The following STK32B variants were observed in gnomAD, a reference collection of about 807,000 sequenced individuals.
STK32B encodes the protein serine/threonine kinase 32B, also known as serine/threonine-protein kinase 32B.
A neutral mutation model predicts 52.6 loss-of-function variants in STK32B; 43 were observed. That is an observed-to-expected ratio of 0.82 (90% CI 0.64 to 1.05). The LOEUF (loss-of-function observed/expected upper bound fraction) is 1.05, where lower values mean the gene tolerates loss of function less well. Ranked by LOEUF, STK32B falls within the 50% of genes least tolerant of loss-of-function variation. The probability of loss-of-function intolerance (pLI) is 0.00; values close to 1 mark genes in which losing one functional copy is unlikely to be tolerated. For missense variants in STK32B, 621 were observed against 534.6 expected, an observed-to-expected ratio of 1.16 and a Z score of -1.59; for synonymous variants, 238 against 204.3, an observed-to-expected ratio of 1.17 and a Z score of -1.41.
At chr4:5,343,220 A>G (rs1249269129) in intron 4 of STK32B, among the ~76,000 whole-genome samples, 2 of 151,376 alleles carry the variant, frequency 1.3e-5, no homozygotes, top group East Asian at 1.9e-4. Flanking sequence ...TGTCCTTGCA[A>G]TAGTTTGCTG....
At chr4:5,087,578 A>T (rs531434107) in intron 1 of STK32B, among the ~76,000 whole-genome samples, 1 of 152,132 alleles carries the variant, frequency 6.6e-6, no homozygotes, top group Non-Finnish European at 1.5e-5. Context: ...AAATAATTTG[A>T]TAGATAGATA....
At chr4:5,054,104 C>T (rs1288599928) in intron 1 of STK32B, among the ~76,000 whole-genome samples, 1 of 152,184 alleles carries the variant, frequency 6.6e-6, no homozygotes, top group East Asian at 1.9e-4. Flanking sequence ...TCACACGTTT[C>T]CTAGTACAGG....
intron 6 of STK32B, among the ~76,000 whole-genome samples, chr4:5,424,062 G>A (rs1382054565): frequency 1.3e-5 from 2 of 152,056 alleles, no homozygotes; most frequent in Non-Finnish European, 2.9e-5. Context: ...CCTGCTCCTG[G>A]TACCCACTCT....
chr4:5,126,815 G>A (rs943233975), intron 1 of STK32B, among the ~76,000 whole-genome samples: 2 of 152,070 alleles, frequency 1.3e-5, no homozygotes, highest in Non-Finnish European at 2.9e-5. Flanking sequence ...CTAAAACATG[G>A]CCATTTCTAC....
chr4:5,465,561 AT>A (rs1163210415), intron 9 of STK32B, among the ~76,000 whole-genome samples: 1 of 152,192 alleles, frequency 6.6e-6, no homozygotes, highest in Non-Finnish European at 1.5e-5. Context: ...AGCAGAGGGA[AT>A]GGCCAGTTGT....
chr4:5,359,202 T>A (rs893913153), intron 4 of STK32B, among the ~76,000 whole-genome samples: 1 of 152,172 alleles, frequency 6.6e-6, no homozygotes, highest in African/African-American at 2.4e-5. Context: ...AATGGTGTAT[T>A]TTTCCATATT....
intron 2 of STK32B, among the ~76,000 whole-genome samples, chr4:5,160,769 G>T (rs1178562776): frequency 2.6e-5 from 4 of 152,200 alleles, no homozygotes; most frequent in Non-Finnish European, 5.9e-5. Flanking sequence ...AGGGGGAGTG[G>T]ACAATGGATG....
chr4:5,328,728 G>T (rs1367682568), intron 3 of STK32B, among the ~76,000 whole-genome samples: 3 of 152,212 alleles, frequency 2.0e-5, no homozygotes, highest in African/African-American at 7.2e-5. Context: ...CATGCTATTG[G>T]AAAATTGACA....
chr4:5,033,134 C>T, the STK32B span, among the ~76,000 whole-genome samples: 14 of 152,192 alleles, frequency 9.2e-5, no homozygotes, highest in Admixed American at 7.2e-4. Context: ...AAACACCCCA[C>T]ACACTAGCCT....
chr4:5,433,895 A>G (rs1713807445), intron 6 of STK32B, among the ~76,000 whole-genome samples: 1 of 152,220 alleles, frequency 6.6e-6, no homozygotes, highest in Admixed American at 6.5e-5. Flanking sequence ...ATGCACATCT[A>G]CATTTCTGAG....
intron 3 of STK32B, among the ~76,000 whole-genome samples, chr4:5,246,333 T>C (rs532502247): frequency 6.6e-6 from 1 of 152,338 alleles, no homozygotes; most frequent in Non-Finnish European, 1.5e-5. Context: ...TTGTCTTCCA[T>C]AGCTGATACC....
chr4:5,402,948 G>C, intron 5 of STK32B, among the ~76,000 whole-genome samples: 1 of 152,224 alleles, frequency 6.6e-6, no homozygotes, highest in East Asian at 1.9e-4. Flanking sequence ...CTCATTTCTT[G>C]TGGCCGTGGG....
chr4:5,159,423 T>G lies in STK32B; in HGVS notation c.109-8876T>G, dbSNP rs534152552. On this transcript the variant is annotated intron_variant, in intron 2 of 11. Transcript: ENST00000282908. Reference sequence around the variant, plus strand: ...ACCAGATGTTTTACTCGAGGTTCTCTAGTGAAACAGAACCAATGGGGTGTA... The same window carrying G: ...ACCAGATGTTTTACTCGAGGTTCTCGAGTGAAACAGAACCAATGGGGTGTA... Among the ~76,000 whole-genome samples the G allele has an allele frequency of 2.7e-5, 4 of 149,998 alleles. No homozygotes were observed. The Admixed American group carries it at 2.7e-4, about 10-fold the overall frequency.
At chr4:5,445,956 A>G (rs1214653425) in intron 6 of STK32B, among the ~76,000 whole-genome samples, 1 of 3,028 alleles carries the variant, frequency 3.3e-4, no homozygotes, top group African/African-American at 3.6e-4. Context: ...CCCCAGGCAC[A>G]GAGCTCTAAG....
chr4:5,439,934 A>C (rs1014166502), intron 6 of STK32B, among the ~76,000 whole-genome samples: 1 of 152,104 alleles, frequency 6.6e-6, no homozygotes, highest in African/African-American at 2.4e-5. Context: ...CATTATTTCT[A>C]AGGGCTCTGT....
chr4:5,224,655 T>C (rs572443722), intron 3 of STK32B, among the ~76,000 whole-genome samples: 10 of 152,206 alleles, frequency 6.6e-5, no homozygotes, highest in Middle Eastern at 3.2e-3. Flanking sequence ...ATCTCAGGCC[T>C]ACTACTGGGG....
chr4:5,319,328 A>T (rs6846546), intron 3 of STK32B, among the ~76,000 whole-genome samples: 35,944 of 152,148 alleles, frequency 0.24, 6,952 homozygotes, highest in African/African-American at 0.54. Flanking sequence ...ATCACTGCTT[A>T]CCAATGAAGC....
intron 4 of STK32B, among the ~76,000 whole-genome samples, chr4:5,392,221 G>A (rs1215343726): frequency 6.6e-6 from 1 of 152,100 alleles, no homozygotes; most frequent in Admixed American, 6.5e-5. Context: ...GATCACTTGA[G>A]GTCAGGAGTT....
intron 6 of STK32B, among the ~76,000 whole-genome samples, chr4:5,419,281 T>G (rs944036068): frequency 6.6e-6 from 1 of 152,208 alleles, no homozygotes; most frequent in African/African-American, 2.4e-5. Flanking sequence ...CTATCCAGGT[T>G]TCCTGGCTTT....
Sources: gnomAD v4.1 joint callset for allele counts (sites outside exome capture counted in the v4.1 genomes callset) on GRCh38, gnomAD v4.1.1 for gene constraint, MANE v1.5 for transcripts, NCBI Gene and HGNC (gene_info 2026-07-23, HGNC 2026-07-21) for gene names.